Variants in MEGF10 observed in about 807,000 individuals in gnomAD.
MEGF10 encodes the protein multiple EGF like domains 10.
MEGF10 carries 86 observed loss-of-function variants against 147.5 expected under a neutral mutation model. The observed-to-expected ratio is 0.58, with a 90% CI of 0.49 to 0.70. The LOEUF is 0.70. MEGF10 is among the 30% of genes least tolerant of loss of function. The probability of loss-of-function intolerance (pLI) is 0.00; values close to 1 mark genes in which losing one functional copy is unlikely to be tolerated. For missense variants in MEGF10, 1,329 were observed against 1,487.3 expected (o/e 0.89, Z 1.75); for synonymous variants, 478 against 525.5 (o/e 0.91, Z 1.24).
At chr5:127,412,118 A>G (rs1161183545) in intron 9 of MEGF10, among the ~76,000 whole-genome samples, 1 of 152,246 alleles carries the variant, frequency 6.6e-6, no homozygotes, top group Non-Finnish European at 1.5e-5. Flanking sequence ...GTACCTAAGC[A>G]TATATGTGTT....
intron 5 of MEGF10, 25 bp downstream of exon 5, chr5:127,370,027 G>A (rs1431854880): frequency 6.3e-7 from 1 of 1,591,332 alleles, no homozygotes; most frequent in South Asian, 1.1e-5. Context: ...GCTGTTGTCT[G>A]TCTCGGGATG....
chr5:127,384,599 C>A (rs1763365994), intron 5 of MEGF10, among the ~76,000 whole-genome samples: 1 of 152,114 alleles, frequency 6.6e-6, no homozygotes, highest in South Asian at 2.1e-4. Context: ...TTGAGATAAG[C>A]TTACACTGAA....
At chr5:127,239,978 A>T in the MEGF10 span, among the ~76,000 whole-genome samples, 1 of 152,132 alleles carries the variant, frequency 6.6e-6, no homozygotes, top group African/African-American at 2.4e-5. Context: ...TCCAGCCTGA[A>T]GCCAAGGTGA....
chr5:127,260,861 A>C, the MEGF10 span, among the ~76,000 whole-genome samples: 1 of 152,206 alleles, frequency 6.6e-6, no homozygotes, highest in African/African-American at 2.4e-5. Context: ...GGAAGATGCT[A>C]CTGCTCCTGC....
At chr5:127,433,634 T>C in intron 14 of MEGF10, 125 bp downstream of exon 14, 1 of 1,176,720 alleles carries the variant, frequency 8.5e-7, no homozygotes, top group East Asian at 2.5e-5. Context: ...CAAAAGAGAG[T>C]GTAATGGTTC....
At chr5:127,286,224 T>A (rs1246420537), upstream of MEGF10, among the ~76,000 whole-genome samples, 2 of 151,956 alleles carry the variant, frequency 1.3e-5, no homozygotes, top group Non-Finnish European at 2.9e-5. Flanking sequence ...AGATAGAAGT[T>A]GTAGGTTCTA....
chr5:127,342,434 A>G (rs1761720806), intron 4 of MEGF10, among the ~76,000 whole-genome samples: 1 of 152,136 alleles, frequency 6.6e-6, no homozygotes, highest in Non-Finnish European at 1.5e-5. Context: ...CTATTTTCCT[A>G]ACTCATACAA....
At chr5:127,385,557 G>A (rs949653793) in intron 5 of MEGF10, among the ~76,000 whole-genome samples, 2 of 152,210 alleles carry the variant, frequency 1.3e-5, no homozygotes, top group Non-Finnish European at 2.9e-5. Flanking sequence ...ACAGGCATGA[G>A]CCACTGTGCC....
At position 127,442,174 on chromosome 5, in the gene MEGF10, A is replaced by G. The variant is rs142649380; in HGVS notation, c.2363-824A>G. On this transcript the variant is annotated intron_variant, in intron 18 of 24. Coordinates refer to ENST00000503335, the MANE Select transcript of MEGF10 (RefSeq NM_001256545.2). ...ATAAGAAAACCTCTTAAGTGCTTCCATGATTACTCTCAACAGCAAATTAAA... is the reference window on the plus strand; with the variant it reads ...ATAAGAAAACCTCTTAAGTGCTTCCGTGATTACTCTCAACAGCAAATTAAA... Among the ~76,000 whole-genome samples, 598 of 152,338 alleles carry G rather than the reference A, an allele frequency of 3.9e-3. 7 individuals are homozygous for G. The highest frequency in any genetic ancestry group is 0.014 in the African/African-American group (566 of 41,572).
chr5:127,230,045 T>G, the MEGF10 span, among the ~76,000 whole-genome samples: 1 of 151,994 alleles, frequency 6.6e-6, no homozygotes, highest in Non-Finnish European at 1.5e-5. Context: ...CATCTAAAAT[T>G]TTAGTTTTTG....
intron 4 of MEGF10, among the ~76,000 whole-genome samples, chr5:127,347,975 G>T (rs560797697): frequency 6.6e-6 from 1 of 152,060 alleles, no homozygotes; most frequent in African/African-American, 2.4e-5. Context: ...AGACTTGCAT[G>T]TACAGTATTA....
chr5:127,283,897 T>C, the MEGF10 span, among the ~76,000 whole-genome samples: 1 of 152,206 alleles, frequency 6.6e-6, no homozygotes, highest in African/African-American at 2.4e-5. Flanking sequence ...AAAACTTTTT[T>C]TGGGGGAAAA....
At chr5:127,291,675 T>A (rs951279113) in intron 1 of MEGF10, among the ~76,000 whole-genome samples, 1 of 152,186 alleles carries the variant, frequency 6.6e-6, no homozygotes, top group Non-Finnish European at 1.5e-5. Flanking sequence ...GTTTTTCAAG[T>A]GATAGTTACT....
In MEGF10 at chr5:127,436,479, G is replaced by A. The variant is rs201054230; in HGVS notation, c.2104+990G>A. On this transcript the variant is annotated intron_variant, in intron 16 of 24. Transcript: ENST00000503335. The stretch of plus-strand genomic sequence containing the variant: ...GATATGATTTCACTCCATTCTGGGG[G>A]CATCACTTCAGAAGAAATCAGTCTG... 3.9e-5 allele frequency among the ~76,000 whole-genome samples: 6 copies of A among 152,282 alleles called. No homozygotes were observed. The East Asian group carries it at 5.8e-4, about 15-fold the overall frequency.
At chr5:127,425,626 T>G (rs1015765318) in intron 13 of MEGF10, among the ~76,000 whole-genome samples, 34 of 152,228 alleles carry the variant, frequency 2.2e-4, no homozygotes, top group African/African-American at 7.5e-4. Context: ...CTTATTTTTT[T>G]TTTTAAAGAA....
In MEGF10 at chr5:127,357,650, G is replaced by GA. The variant is rs978390495; in HGVS notation, c.320-12250dup. Among the ~76,000 whole-genome samples, 13 of 143,704 alleles carry GA rather than the reference G, an allele frequency of 9.0e-5. No homozygotes were observed. In the South Asian group the frequency reaches 1.1e-3, roughly 12 times the overall value. 94.3% of individuals were successfully genotyped at this position (143,704 alleles called of 152,430 possible). ...AAATAAAATTTAAAAACAGGAGAAA[G>GA]AAAAAAAAAAGTGACCCATCTAAGA... On this transcript the variant is annotated intron_variant, in intron 4 of 24. Coordinates refer to ENST00000503335, the MANE Select transcript of MEGF10 (RefSeq NM_001256545.2).
At chr5:127,429,503 C>G (rs1765326720) in intron 13 of MEGF10, among the ~76,000 whole-genome samples, 1 of 152,174 alleles carries the variant, frequency 6.6e-6, no homozygotes, top group Non-Finnish European at 1.5e-5. Context: ...TGTATCGATT[C>G]ATTCAACAAA....
chr5:127,410,200 G>A (rs554109525), intron 8 of MEGF10, among the ~76,000 whole-genome samples, 189 bp from the exon 9 acceptor site: 2 of 152,312 alleles, frequency 1.3e-5, no homozygotes, highest in South Asian at 2.1e-4. Context: ...TCATGCTGCT[G>A]TTACTACAAT....
intron 1 of MEGF10, among the ~76,000 whole-genome samples, chr5:127,295,151 G>C (rs144207194): frequency 7.2e-4 from 109 of 152,142 alleles, no homozygotes; most frequent in African/African-American, 2.5e-3. Context: ...TTCCTGAAAG[G>C]ACACATTCCT....
Sources: allele counts gnomAD v4.1 joint callset (sites outside exome capture counted in the v4.1 genomes callset), GRCh38; gene constraint gnomAD v4.1.1; transcripts MANE v1.5; gene names NCBI Gene and HGNC (gene_info 2026-07-23, HGNC 2026-07-21).